Variants in GIPR observed in about 807,000 individuals in gnomAD.
The protein encoded by GIPR is GIP-R.
A neutral mutation model predicts 62.2 loss-of-function variants in GIPR; 74 were observed. The ratio of observed to expected loss-of-function variants is 1.19; its 90% CI spans 0.99 to 1.44. The LOEUF (loss-of-function observed/expected upper bound fraction) is 1.44. GIPR is among the 40% of genes most tolerant of loss of function. The pLI is 0.00. For synonymous variants in GIPR, 256 were observed against 262.2 expected, an observed-to-expected ratio of 0.98 and a Z score of 0.23; for missense variants, 664 against 611.8, an observed-to-expected ratio of 1.09 and a Z score of -0.90.
In GIPR at chr19:45,681,875, C is replaced by T; in HGVS notation, c.1341C>T (p.Ser447=). Residue 447 remains serine, a synonymous_variant, in exon 14 of 14, where the codon TCC becomes TCT. Coordinates refer to ENST00000590918, the MANE Select transcript of GIPR (RefSeq NM_000164.4). ...PGEVPTSRGL[S]SGTLPGPGNE... ...AGGTCCCCACCAGCCGCGGCTTGTC[C>T]TCGGGGACCCTCCCAGGGCCTGGGA... The T allele has an allele frequency of 6.4e-7, 1 of 1,555,890 alleles. No individual in the cohort carries two copies. Among genetic ancestry groups the T allele is most frequent in the Non-Finnish European group, 8.7e-7 (1 of 1,149,320 alleles).
intron 5 of GIPR, 72 bp downstream of exon 5, chr19:45,673,026 T>C (rs1356893710): frequency 2.6e-5 from 23 of 890,288 alleles, no homozygotes; most frequent in Non-Finnish European, 3.6e-5. Context: ...AGGCAGGGCC[T>C]GAAACCCCTT....
At chr19:45,670,334 A>T in intron 2 of GIPR, 2 of 303,948 alleles carry the variant, frequency 6.6e-6, no homozygotes, top group Non-Finnish European at 1.2e-5. Context: ...GCCCGGGCCC[A>T]GATTCGAGTT....
At chr19:45,678,319 C>T (rs1967065814) in intron 12 of GIPR, 93 bp downstream of exon 12, 1 of 1,349,278 alleles carries the variant, frequency 7.4e-7, no homozygotes, top group Non-Finnish European at 1.0e-6. Flanking sequence ...GGTGCAGCCA[C>T]TGAATGGGGT....
chr19:45,674,213 G>A (rs1381918693), intron 6 of GIPR, 36 bp downstream of exon 6: 2 of 1,332,232 alleles, frequency 1.5e-6, no homozygotes, highest in African/African-American at 1.4e-5. Flanking sequence ...CGGCAGAGAT[G>A]TGAGCTCGGC....
chr19:45,676,529 G>A (rs1966931144), intron 7 of GIPR, among the ~76,000 whole-genome samples: 1 of 147,396 alleles, frequency 6.8e-6, no homozygotes, highest in Non-Finnish European at 1.5e-5. Context: ...CACCTCCCGG[G>A]TTCAAGCGAT....
chr19:45,682,309 T>G lies in GIPR; in HGVS notation c.*374T>G. On this transcript the variant is annotated 3_prime_UTR_variant, in exon 14 of 14. Transcript: ENST00000590918. ...CCCTTGGGCAGGAAGGCGCTCAGCC[T>G]TGGCTGGAGTAGAATTAAGTCAGAG... The G allele has an allele frequency of 4.3e-6, 1 of 235,128 alleles. No homozygotes were observed. The highest frequency in any genetic ancestry group is 8.3e-6 in the Non-Finnish European group (1 of 120,772). 14.6% of individuals were successfully genotyped at this position (235,128 alleles called of 1,614,324 possible).
chr19:45,677,674 T>G, intron 9 of GIPR, 36 bp from the exon 10 acceptor site: 1 of 1,556,426 alleles, frequency 6.4e-7, no homozygotes. Context: ...GAGTCTAGAG[T>G]TTTTCTATCT....
intron 12 of GIPR, among the ~76,000 whole-genome samples, chr19:45,680,319 G>A (rs1439317422): frequency 1.3e-5 from 2 of 152,028 alleles, no homozygotes; most frequent in Non-Finnish European, 2.9e-5. Context: ...CTGAGATTGT[G>A]CCACTGCACT....
Position 45,671,325 on chromosome 19 carries a change from G to A in GIPR, c.213G>A (p.Trp71Ter), listed in dbSNP as rs935395843. ...CNGSFDMYVC[W>*]DYAAPNATAR... ...GGTCCTTCGATATGTACGTCTGCTG[G>A]GACTATGCTGCACCCAATGCCACTG... Residue 71 changes from tryptophan to a stop codon, truncating the protein, a stop_gained, in exon 4 of 14, where the codon TGG becomes TGA. Coordinates refer to ENST00000590918, the MANE Select transcript of GIPR (RefSeq NM_000164.4). LOFTEE classifies it high-confidence loss of function. 14 of 1,612,850 alleles carry A rather than the reference G, an allele frequency of 8.7e-6. No homozygotes were observed. The Admixed American group carries it at 1.5e-4, about 17-fold the overall frequency.
chr19:45,681,883 C>A lies in GIPR; in HGVS notation c.1349C>A (p.Thr450Asn). ...VPTSRGLSSG[T>N]LPGPGNEASR... The stretch of plus-strand genomic sequence containing the variant: ...ACCAGCCGCGGCTTGTCCTCGGGGA[C>A]CCTCCCAGGGCCTGGGAATGAGGCC... The change falls in exon 14 of 14, where the codon ACC (threonine) becomes AAC (asparagine). Residue 450 changes from threonine to asparagine, a missense_variant. Thr to Asn is a moderately conservative substitution (Grantham distance 65, BLOSUM62 0). Coordinates refer to ENST00000590918, the MANE Select transcript of GIPR (RefSeq NM_000164.4). 1 of 1,557,178 alleles carries A rather than the reference C, an allele frequency of 6.4e-7. No individual in the cohort carries two copies. Among genetic ancestry groups the A allele is most frequent in the Non-Finnish European group, 8.7e-7 (1 of 1,150,010 alleles).
intron 12 of GIPR, 47 bp from the exon 13 acceptor site, chr19:45,681,557 A>G: frequency 6.4e-7 from 1 of 1,562,338 alleles, no homozygotes; most frequent in East Asian, 2.2e-5. Context: ...AGGCGGTTAC[A>G]GTCCTGCCCC....
intron 6 of GIPR, 50 bp downstream of exon 6, chr19:45,674,227 A>T (rs770505024): frequency 1.1e-5 from 13 of 1,165,040 alleles, no homozygotes; most frequent in Non-Finnish European, 1.7e-5. Context: ...GCTCGGCCTC[A>T]GTTTGTCCAG....
At chr19:45,678,037 G>T (rs1231050769) in intron 11 of GIPR, 43 bp downstream of exon 11, 6 of 1,611,900 alleles carry the variant, frequency 3.7e-6, no homozygotes, top group Non-Finnish European at 4.2e-6. Flanking sequence ...GGCCGGGTGC[G>T]AGATGGGGAA....
chr19:45,669,366 G>C, intron 1 of GIPR, 111 bp from the exon 2 acceptor site: 3 of 1,064,358 alleles, frequency 2.8e-6, no homozygotes, highest in Non-Finnish European at 4.1e-6. Context: ...GGAGTCCCGC[G>C]TGTATACGGC....
chr19:45,670,991 T>G (rs1012671469), intron 3 of GIPR, among the ~76,000 whole-genome samples: 1 of 106,160 alleles, frequency 9.4e-6, no homozygotes, highest in African/African-American at 3.7e-5. Context: ...GGGTTTGGGA[T>G]GGAGACTGGG....
At chr19:45,673,041 T>G in intron 5 of GIPR, 87 bp downstream of exon 5, 1 of 801,268 alleles carries the variant, frequency 1.2e-6, no homozygotes, top group Middle Eastern at 2.5e-4. Flanking sequence ...CCCCTTGGAC[T>G]GTTCAGACCT....
chr19:45,677,613 T>A, intron 9 of GIPR, 97 bp from the exon 10 acceptor site: 1 of 981,186 alleles, frequency 1.0e-6, no homozygotes, highest in Non-Finnish European at 1.6e-6. Flanking sequence ...ATGTGTGTGG[T>A]CTCAAGTGCG....
Position 45,681,917 on chromosome 19 carries a change from G to A in GIPR, c.1383G>A (p.Glu461=). 1 of 1,560,304 alleles carries A rather than the reference G, an allele frequency of 6.4e-7. No homozygotes were observed. Among genetic ancestry groups the A allele is most frequent in the South Asian group, 1.2e-5 (1 of 84,756 alleles). The part of the protein sequence containing the change: ...LPGPGNEASR[E]LESYC ...GGCCTGGGAATGAGGCCAGCCGGGA[G>A]TTGGAAAGTTACTGCTAGGGGGCGG... Residue 461 remains glutamate, a synonymous_variant, in exon 14 of 14, where the codon GAG becomes GAA. Coordinates refer to ENST00000590918, the MANE Select transcript of GIPR (RefSeq NM_000164.4).
intron 7 of GIPR, 115 bp downstream of exon 7, chr19:45,674,941 G>C: frequency 9.0e-7 from 1 of 1,111,200 alleles, no homozygotes; most frequent in Non-Finnish European, 1.4e-6. Flanking sequence ...TGAGTTGGGA[G>C]GGTCCCTCTC....
Sources: gnomAD v4.1 joint callset for allele counts (sites outside exome capture counted in the v4.1 genomes callset) on GRCh38, gnomAD v4.1.1 for gene constraint, MANE v1.5 for transcripts, NCBI Gene and HGNC (gene_info 2026-07-23, HGNC 2026-07-21) for gene names.